BYSL: variants seen among roughly 807,000 people sequenced by gnomAD.
BYSL encodes the protein bystin like, also known as bystin.
In BYSL, 21 loss-of-function variants were observed where a neutral mutation model predicts 45.4. The observed-to-expected ratio is 0.46, with a 90% CI of 0.33 to 0.67. BYSL has a LOEUF of 0.67. Ranked by LOEUF, BYSL falls within the 30% of genes least tolerant of loss-of-function variation. The pLI is 0.02. For missense variants in BYSL, 522 were observed against 578.5 expected, an observed-to-expected ratio of 0.90 and a Z score of 1.00; for synonymous variants, 215 against 231.3, an observed-to-expected ratio of 0.93 and a Z score of 0.64.
upstream of BYSL, chr6:41,916,778 C>T (rs1775325095): frequency 6.2e-7 from 1 of 1,613,918 alleles, no homozygotes; most frequent in Admixed American, 1.7e-5. Flanking sequence ...AGACCCATCT[C>T]ACTGACCTTG....
At chr6:41,927,767 G>T in intron 2 of BYSL, 1 of 473,198 alleles carries the variant, frequency 2.1e-6, no homozygotes, top group Non-Finnish European at 3.8e-6. Flanking sequence ...CTGCCCAGTT[G>T]CCAGGGAAAC....
the BYSL span, chr6:41,909,429 T>C: frequency 2.5e-6 from 4 of 1,614,210 alleles, no homozygotes; most frequent in South Asian, 3.3e-5. Context: ...AAAGTTGGTG[T>C]CAGCAATAAG....
chr6:41,931,423 C>T lies in BYSL; in HGVS notation c.732C>T (p.Arg244=). ...TRIFASNLKE[R]MAQRFYNLVL... ...TTTTTGCCTCTAACCTGAAGGAACG[C>T]ATGGCCCAGCGCTTCTACAACCTTG... is the stretch of plus-strand genomic sequence containing the variant. Residue 244 remains arginine, a synonymous_variant, in exon 5 of 7, where the codon CGC becomes CGT. Transcript: ENST00000230340. 6.2e-7 allele frequency: 1 copy of T among 1,614,224 alleles called. No individual in the cohort carries two copies. The highest frequency in any genetic ancestry group is 8.5e-7 in the Non-Finnish European group (1 of 1,180,044).
upstream of BYSL, chr6:41,920,765 G>A (rs1473557236): frequency 1.1e-5 from 5 of 446,874 alleles, no homozygotes; most frequent in Admixed American, 4.4e-5. Context: ...GCGAGACCCC[G>A]TCTTAAAAAA....
chr6:41,930,529 G>A, intron 3 of BYSL, 106 bp from the exon 4 acceptor site: 2 of 1,404,778 alleles, frequency 1.4e-6, no homozygotes, highest in Non-Finnish European at 1.9e-6. Flanking sequence ...GGTTATTGTG[G>A]GGATGCAATG....
chr6:41,921,499 A>C lies in BYSL; in HGVS notation c.-64A>C. On this transcript the variant is annotated 5_prime_UTR_variant, in exon 1 of 7. Coordinates refer to ENST00000230340, the MANE Select transcript of BYSL (RefSeq NM_004053.4). Reference sequence around the variant, plus strand: ...CTTGGGCGCTGGGAGTCCACCGCGCAAGCGCATCCTGGCCTTTCTTCAGTC... The same window carrying C: ...CTTGGGCGCTGGGAGTCCACCGCGCCAGCGCATCCTGGCCTTTCTTCAGTC... The C allele has an allele frequency of 6.7e-7, 1 of 1,499,610 alleles. No individual in the cohort carries two copies. 92.9% of individuals were successfully genotyped at this position (1,499,610 alleles called of 1,614,324 possible).
chr6:41,921,026 G>A (rs780476299), upstream of BYSL: 63 of 1,612,598 alleles, frequency 3.9e-5, no homozygotes, highest in Non-Finnish European at 5.1e-5. Context: ...CATGGCGTCG[G>A]GCCAGGAAGG....
At position 41,927,202 on chromosome 6, in the gene BYSL, G is replaced by C. The variant is rs182684358; in HGVS notation, c.269-172G>C. Among the ~76,000 whole-genome samples, 320 of 152,142 alleles carry C rather than the reference G, an allele frequency of 2.1e-3. 4 individuals are homozygous for C. The highest frequency in any genetic ancestry group is 0.01 in the Middle Eastern group (3 of 294). ...CCTGTATATACATTTTGTTTCTCAA[G>C]CATGATTGCAAGCCCCTGGGGACAG... On this transcript the variant is annotated intron_variant, in intron 1 of 6. Coordinates refer to ENST00000230340, the MANE Select transcript of BYSL (RefSeq NM_004053.4).
chr6:41,917,509 A>G, upstream of BYSL: 5 of 262,508 alleles, frequency 1.9e-5, no homozygotes, highest in South Asian at 1.7e-4. Flanking sequence ...AAGATAACTC[A>G]TTACACTTGG....
rs544601333 is a variant in BYSL, at chr6:41,932,299, A to G, written c.969-62A>G. 1.4e-6 allele frequency: 2 copies of G among 1,474,182 alleles called. No individual in the cohort carries two copies. Among genetic ancestry groups the G allele is most frequent in the South Asian group, 1.2e-5 (1 of 82,706 alleles). 91.3% of individuals were successfully genotyped at this position (1,474,182 alleles called of 1,614,324 possible). On this transcript the variant is annotated intron_variant, in intron 6 of 6. Coordinates refer to ENST00000230340, the MANE Select transcript of BYSL (RefSeq NM_004053.4). The surrounding 1 kb of genome is among the most constrained non-coding windows in gnomAD (Gnocchi z 4.7). Reference sequence around the variant, plus strand: ...AAAAAAGGGGAAAGCATAGAGGGAGAAGTAGGATCCTTCTTCCAATGTTTT... The same window carrying G: ...AAAAAAGGGGAAAGCATAGAGGGAGGAGTAGGATCCTTCTTCCAATGTTTT...
the BYSL span, among the ~76,000 whole-genome samples, chr6:41,914,568 G>A: frequency 6.6e-6 from 1 of 152,164 alleles, no homozygotes; most frequent in Non-Finnish European, 1.5e-5. Flanking sequence ...TCAAGGTTAA[G>A]TTACTGCAGA....
chr6:41,919,942 T>C (rs996404884), upstream of BYSL, among the ~76,000 whole-genome samples: 2 of 152,156 alleles, frequency 1.3e-5, no homozygotes, highest in East Asian at 3.8e-4. Context: ...GGAGGAAAAG[T>C]ATTTCCCCTA....
intron 1 of BYSL, among the ~76,000 whole-genome samples, chr6:41,926,205 C>A (rs2127385204): frequency 6.6e-6 from 1 of 152,318 alleles, no homozygotes; most frequent in East Asian, 1.9e-4. Flanking sequence ...ACCACTCATC[C>A]TTTAAGTGCA....
the BYSL span, among the ~76,000 whole-genome samples, chr6:41,916,121 G>A: frequency 1.3e-5 from 2 of 151,966 alleles, no homozygotes; most frequent in East Asian, 3.9e-4. Flanking sequence ...GGTGGCTCAT[G>A]CCTGTGGTCT....
At chr6:41,922,757 A>G (rs947738139) in intron 1 of BYSL, among the ~76,000 whole-genome samples, 6 of 152,238 alleles carry the variant, frequency 3.9e-5, no homozygotes, top group Non-Finnish European at 8.8e-5. Flanking sequence ...CTTATATTCA[A>G]CTGCCTATTT....
intron 1 of BYSL, among the ~76,000 whole-genome samples, chr6:41,926,652 T>C (rs1455474406): frequency 1.3e-5 from 2 of 151,108 alleles, no homozygotes; most frequent in African/African-American, 4.9e-5. Context: ...GGTTTCACCA[T>C]GTTGACCAGG....
At chr6:41,909,292 T>A in the BYSL span, 1 of 1,614,054 alleles carries the variant, frequency 6.2e-7, no homozygotes, top group Non-Finnish European at 8.5e-7. Flanking sequence ...CCCCGGGCAC[T>A]GGGCCCCATT....
At chr6:41,908,900 AG>A in the BYSL span, 1 of 295,730 alleles carries the variant, frequency 3.4e-6, no homozygotes, top group South Asian at 1.3e-4. Flanking sequence ...TGAGGACTGG[AG>A]GCCAGGTGTG....
chr6:41,931,872 C>A (rs1276698183), intron 6 of BYSL, 42 bp downstream of exon 6: 5 of 1,550,896 alleles, frequency 3.2e-6, no homozygotes, highest in Non-Finnish European at 4.5e-6. Flanking sequence ...CAGTGGATAT[C>A]CAGATAGTGG....
Sources: gnomAD v4.1 joint callset for allele counts (sites outside exome capture counted in the v4.1 genomes callset) on GRCh38, gnomAD v4.1.1 for gene constraint, Gnocchi (gnomAD v3.1) non-coding constraint, MANE v1.5 for transcripts, NCBI Gene and HGNC (gene_info 2026-07-23, HGNC 2026-07-21) for gene names.